The following MLXIP variants were observed in gnomAD, a reference collection of about 807,000 sequenced individuals.
The protein encoded by MLXIP is MLX interacting protein, also known as MLX-interacting protein.
Under a neutral mutation model 87.2 loss-of-function variants are expected in MLXIP, and 30 were observed. The observed-to-expected ratio is 0.34, with a 90% confidence interval of 0.26 to 0.47. The LOEUF (loss-of-function observed/expected upper bound fraction) is 0.47. Among genes scored for constraint, MLXIP ranks in the 20% least tolerant of loss-of-function variants. The probability of loss-of-function intolerance (pLI) is 1.00; values close to 1 mark genes in which losing one functional copy is unlikely to be tolerated. For synonymous variants in MLXIP, 530 were observed against 514.0 expected, an observed-to-expected ratio of 1.03 and a Z score of -0.42; for missense variants, 1,002 against 1,240.1, an observed-to-expected ratio of 0.81 and a Z score of 2.88.
intron 1 of MLXIP, among the ~76,000 whole-genome samples, chr12:122,104,358 C>T (rs138958780): frequency 6.6e-6 from 1 of 152,184 alleles, no homozygotes; most frequent in East Asian, 1.9e-4. Context: ...TTAGTCTTTC[C>T]GTGTGTTTTG....
Position 122,135,112 on chromosome 12 carries a change from T to C in MLXIP, c.1733-112T>C. The C allele has an allele frequency of 4.3e-6, 6 of 1,380,052 alleles. No individual in the cohort carries two copies. The highest frequency in any genetic ancestry group is 6.0e-6 in the Non-Finnish European group (6 of 995,134). The allele number at this position is 1,380,052 out of a possible 1,614,324, so 85.5% of individuals were successfully genotyped here. On this transcript the variant is annotated intron_variant, in intron 9 of 16. Coordinates refer to ENST00000319080, the MANE Select transcript of MLXIP (RefSeq NM_014938.6). This position sits in a 1 kb window ranked among gnomAD's most constrained non-coding sequence, Gnocchi z 5.3. ...AGGTGCCTTGGTGGCTTTGTCTTCC[T>C]GTCCCCTGGGGTTGAGAACAAGCTG...
intron 5 of MLXIP, 56 bp downstream of exon 5, chr12:122,129,685 T>G (rs954226643): frequency 1.1e-5 from 18 of 1,596,570 alleles, no homozygotes; most frequent in East Asian, 6.8e-5. Context: ...CAGCAGGGAC[T>G]TCGGTGGCCC....
At position 122,142,037 on chromosome 12, in the gene MLXIP, C is replaced by T. The variant is rs1953216678; in HGVS notation, c.*225C>T. On this transcript the variant is annotated 3_prime_UTR_variant, in exon 17 of 17. Transcript: ENST00000319080. ...GAACCCCTTGCTGTGAACTCTCTCACTCAGTGACCTCAGTCACCAACCTCC... is the reference window on the plus strand; with the variant it reads ...GAACCCCTTGCTGTGAACTCTCTCATTCAGTGACCTCAGTCACCAACCTCC... The T allele has an allele frequency of 1.5e-6, 1 of 677,990 alleles. No individual in the cohort carries two copies. Among genetic ancestry groups the T allele is most frequent in the Admixed American group, 2.3e-5 (1 of 43,446 alleles). The allele number at this position is 677,990 out of a possible 1,614,324, so 42.0% of individuals were successfully genotyped here. A position where few individuals can be genotyped will look rare whatever the true frequency, so the allele number is the denominator to read the frequency against.
At chr12:122,132,410 G>A (rs1426804986) in intron 8 of MLXIP, 27 bp downstream of exon 8, 2 of 1,562,246 alleles carry the variant, frequency 1.3e-6, no homozygotes, top group East Asian at 2.3e-5. Flanking sequence ...GATGGGTGGG[G>A]GAAGGGGCTG....
intron 16 of MLXIP, 164 bp downstream of exon 16, chr12:122,141,247 G>T (rs536253729): frequency 1.8e-6 from 1 of 566,124 alleles, no homozygotes; most frequent in East Asian, 1.4e-4. Context: ...GCGCCCAGTG[G>T]GGGCAGGAGG....
At chr12:122,110,892 A>G (rs1029058565) in intron 1 of MLXIP, among the ~76,000 whole-genome samples, 4 of 152,036 alleles carry the variant, frequency 2.6e-5, no homozygotes, top group African/African-American at 4.8e-5. Context: ...CCTGGCTAAC[A>G]TGGTGAAACC....
intron 1 of MLXIP, among the ~76,000 whole-genome samples, chr12:122,114,902 C>T (rs117143145): frequency 6.6e-6 from 1 of 152,026 alleles, no homozygotes; most frequent in East Asian, 1.9e-4. Context: ...TGCGCCACTA[C>T]TGCCCGGTTA....
chr12:122,137,854 G>A lies in MLXIP; in HGVS notation c.2154+264G>A, dbSNP rs1051204384. Among the ~76,000 whole-genome samples the A allele has an allele frequency of 3.3e-5, 5 of 152,358 alleles. No individual in the cohort carries two copies. In the South Asian group the frequency reaches 6.2e-4, roughly 19 times the overall value. On this transcript the variant is annotated intron_variant, in intron 12 of 16. Transcript: ENST00000319080. The surrounding 1 kb of genome is among the most constrained non-coding windows in gnomAD (Gnocchi z 4.1). ...TGTGCAGGTACTGCTCAGGCTGCCC[G>A]CATCAGTTGCAGGAGGGGTGTGGCC...
rs1953309250 is a variant in MLXIP, at chr12:122,146,718, C to T, written c.*4906C>T. 6.6e-6 allele frequency: 1 copy of T among 152,186 alleles called. No individual in the cohort carries two copies. Among genetic ancestry groups the T allele is most frequent in the Non-Finnish European group, 1.5e-5 (1 of 68,058 alleles). The allele number at this position is 152,186 out of a possible 1,614,324, so 9.4% of individuals were successfully genotyped here. A position where few individuals can be genotyped will look rare whatever the true frequency, so the allele number is the denominator to read the frequency against. ...CTCCAATCGTGTCAGAATTTACCTC[C>T]ATGCCCCAGTCACACTGTTGGTTCT... On this transcript the variant is annotated 3_prime_UTR_variant, in exon 17 of 17. Transcript: ENST00000319080.
In MLXIP at chr12:122,144,736, CATT is replaced by C. The variant is rs1173530569; in HGVS notation, c.*2926_*2928del. On this transcript the variant is annotated 3_prime_UTR_variant, in exon 17 of 17. Coordinates refer to ENST00000319080, the MANE Select transcript of MLXIP (RefSeq NM_014938.6). ...CCCTGTCTATACTAAAAATACAAAA[CATT>C]AGCCACGTGTGGTGGTACACGCCTG... 1 of 151,962 alleles carries C rather than the reference CATT, an allele frequency of 6.6e-6. No homozygotes were observed. The highest frequency in any genetic ancestry group is 6.6e-5 in the Admixed American group (1 of 15,224). The allele number at this position is 151,962 out of a possible 1,614,324, so 9.4% of individuals were successfully genotyped here.
In MLXIP at chr12:122,139,617, C is replaced by T. The variant is rs182030658; in HGVS notation, c.2508+679C>T. 1.6e-3 allele frequency among the ~76,000 whole-genome samples: 237 copies of T among 152,282 alleles called. 1 individual carries two copies. Among genetic ancestry groups the T allele is most frequent in the African/African-American group, 5.1e-3 (210 of 41,554 alleles). ...AGGAGAGAATCCCAGCTGCAGCTAT[C>T]GGGCAGGGCAGGGCGCAGCACCTGT... On this transcript the variant is annotated intron_variant, in intron 15 of 16. Coordinates refer to ENST00000319080, the MANE Select transcript of MLXIP (RefSeq NM_014938.6).
chr12:122,111,006 G>A (rs1952598345), intron 1 of MLXIP, among the ~76,000 whole-genome samples: 1 of 151,410 alleles, frequency 6.6e-6, no homozygotes, highest in South Asian at 2.1e-4. Context: ...GAACCCAGGA[G>A]GCGGAGCTTG....
At chr12:122,116,824 G>A (rs964876029) in intron 1 of MLXIP, among the ~76,000 whole-genome samples, 7 of 152,186 alleles carry the variant, frequency 4.6e-5, no homozygotes, top group African/African-American at 1.7e-4. Context: ...TTTGCAGAAG[G>A]TGGGCTGGGC....
At position 122,135,376 on chromosome 12, in the gene MLXIP, T is replaced by TC; in HGVS notation, c.1854+33dup. 1 of 1,604,938 alleles carries TC rather than the reference T, an allele frequency of 6.2e-7. No individual in the cohort carries two copies. The highest frequency in any genetic ancestry group is 8.5e-7 in the Non-Finnish European group (1 of 1,174,858). Reference sequence around the variant, plus strand: ...GAGGGCCCTAGGCAGACCTGCAGTGTCCTTCTCACCCCGGAGCACTCTGAT... The same window carrying TC: ...GAGGGCCCTAGGCAGACCTGCAGTGTCCCTTCTCACCCCGGAGCACTCTGAT... On this transcript the variant is annotated intron_variant, in intron 10 of 16. Coordinates refer to ENST00000319080, the MANE Select transcript of MLXIP (RefSeq NM_014938.6). This position sits in a 1 kb window ranked among gnomAD's most constrained non-coding sequence, Gnocchi z 5.3.
In MLXIP at chr12:122,081,533, G is replaced by A. The variant is rs1355513659; in HGVS notation, c.413+2267G>A. Among the ~76,000 whole-genome samples, 6 of 152,130 alleles carry A rather than the reference G, an allele frequency of 3.9e-5. No individual in the cohort carries two copies. The East Asian group carries it at 5.8e-4, about 15-fold the overall frequency. ...CTTTCAGGGAAGGAAGGTTGAGATC[G>A]GAGGCAACGCGGGGCGTGGTGGCTC... On this transcript the variant is annotated intron_variant, in intron 1 of 16. Transcript: ENST00000319080.
At position 122,133,858 on chromosome 12, in the gene MLXIP, C is replaced by T. The variant is rs1953030957; in HGVS notation, c.1603C>T (p.Arg535Trp). Residue 535 changes from arginine to tryptophan, a missense_variant, in exon 9 of 17, where the codon CGG becomes TGG. By Grantham distance (101) the Arg-to-Trp change is moderately radical. Transcript: ENST00000319080. The surrounding 1 kb of genome is among the most constrained non-coding windows in gnomAD (Gnocchi z 4.9). Reference protein sequence around the residue: ...LSPVTRPPQPRLTFVHPKPVS... With the variant: ...LSPVTRPPQPWLTFVHPKPVS... ...TCCTGTCACCCGGCCTCCCCAGCCA[C>T]GGTTAACTTTTGTGCACCCCAAACC... The T allele has an allele frequency of 3.1e-6, 5 of 1,612,736 alleles. No individual in the cohort carries two copies. Among genetic ancestry groups the T allele is most frequent in the Middle Eastern group, 1.6e-4 (1 of 6,082 alleles).
intron 1 of MLXIP, among the ~76,000 whole-genome samples, chr12:122,095,837 GTATA>G (rs1164256452): frequency 1.3e-5 from 2 of 151,242 alleles, no homozygotes; most frequent in Non-Finnish European, 2.9e-5. Context: ...TGCATGGTGA[GTATA>G]TATATATTTT....
intron 1 of MLXIP, among the ~76,000 whole-genome samples, chr12:122,122,363 G>C (rs1952796807): frequency 6.6e-6 from 1 of 151,884 alleles, no homozygotes. Flanking sequence ...TCCCTTGTGG[G>C]CTTTGTAAAA....
intron 1 of MLXIP, among the ~76,000 whole-genome samples, chr12:122,103,385 C>T (rs1037782720): frequency 7.3e-5 from 11 of 151,592 alleles, no homozygotes; most frequent in Non-Finnish European, 1.3e-4. Context: ...CCACCATGCC[C>T]GGCTAATTTT....
Sources: allele counts gnomAD v4.1 joint callset (sites outside exome capture counted in the v4.1 genomes callset), GRCh38; gene constraint gnomAD v4.1.1; non-coding constraint Gnocchi (gnomAD v3.1); transcripts MANE v1.5; gene names NCBI Gene and HGNC (gene_info 2026-07-23, HGNC 2026-07-21).